ARHGAP18: variants seen among roughly 807,000 people sequenced by gnomAD.
The protein encoded by ARHGAP18 is rho GTPase-activating protein 18.
A neutral mutation model predicts 86.2 loss-of-function variants in ARHGAP18; 67 were observed. The ratio of observed to expected loss-of-function variants is 0.78; its 90% CI spans 0.64 to 0.95. The LOEUF is 0.95. Ranked by LOEUF, ARHGAP18 falls within the 40% of genes least tolerant of loss-of-function variation. ARHGAP18 has a pLI of 0.00. For synonymous variants in ARHGAP18, 283 were observed against 280.4 expected (o/e 1.01, Z -0.09); for missense variants, 691 against 780.4 (o/e 0.89, Z 1.37).
chr6:129,617,797 G>A (rs1391002061), intron 6 of ARHGAP18, among the ~76,000 whole-genome samples: 1 of 152,170 alleles, frequency 6.6e-6, no homozygotes, highest in East Asian at 1.9e-4. Context: ...AGCATGACAG[G>A]ACCAGAAGGG....
At chr6:129,599,393 G>T (rs1388050982) in intron 11 of ARHGAP18, 37 bp from the exon 12 acceptor site, 4 of 1,402,724 alleles carry the variant, frequency 2.9e-6, no homozygotes, top group South Asian at 1.8e-5. Flanking sequence ...AGAGGAAAAA[G>T]AAATGCCACC....
rs542574691 is a variant in ARHGAP18, at chr6:129,606,231, T to C, written c.1283-272A>G. Among the ~76,000 whole-genome samples, 204 of 152,322 alleles carry C rather than the reference T, an allele frequency of 1.3e-3. 4 individuals are homozygous for C. The South Asian group carries it at 0.017, about 13-fold the overall frequency. On this transcript the variant is annotated intron_variant, in intron 9 of 14. Coordinates refer to ENST00000368149, the MANE Select transcript of ARHGAP18 (RefSeq NM_033515.3). ...ATGTTTGCAGACACACAACAGTGCT[T>C]TGGAAATAATTTTAACTTCTGCGTG...
rs568687457 is a variant in ARHGAP18, at chr6:129,686,007, C to T, written c.113+24017G>A. Among the ~76,000 whole-genome samples, 102 of 152,106 alleles carry T rather than the reference C, an allele frequency of 6.7e-4. 2 individuals carry two copies. The highest frequency in any genetic ancestry group is 1.2e-3 in the Non-Finnish European group (83 of 67,990). The stretch of plus-strand genomic sequence containing the variant: ...CAGCCCTTACATTGCCGGGGGCGGG[C>T]GGAGGGGCAGAAAAATCAGAAAAGA... On this transcript the variant is annotated intron_variant, in intron 1 of 14. Coordinates refer to ENST00000368149, the MANE Select transcript of ARHGAP18 (RefSeq NM_033515.3).
At chr6:129,647,321 A>G (rs1464520679) in intron 1 of ARHGAP18, among the ~76,000 whole-genome samples, 1 of 152,046 alleles carries the variant, frequency 6.6e-6, no homozygotes, top group African/African-American at 2.4e-5. Flanking sequence ...TGTAAGTAGG[A>G]TGTTTCTTCT....
intron 4 of ARHGAP18, among the ~76,000 whole-genome samples, chr6:129,631,194 G>A (rs2114489289): frequency 6.6e-6 from 1 of 152,190 alleles, no homozygotes; most frequent in Non-Finnish European, 1.5e-5. Context: ...TCTTAAATTA[G>A]AAGCTACCTT....
chr6:129,677,407 A>T (rs56700167), intron 1 of ARHGAP18, among the ~76,000 whole-genome samples: 36,845 of 150,858 alleles, frequency 0.24, 4,953 homozygotes, highest in Middle Eastern at 0.3. Flanking sequence ...AAAAAAAAAA[A>T]TTGCTTTTGT....
chr6:129,663,177 G>T (rs766814827), intron 1 of ARHGAP18, among the ~76,000 whole-genome samples: 7 of 151,946 alleles, frequency 4.6e-5, no homozygotes, highest in Non-Finnish European at 8.8e-5. Context: ...CCCAGCAAGG[G>T]TAACACAAGC....
At chr6:129,629,227 C>G in intron 5 of ARHGAP18, 126 bp downstream of exon 5, 1 of 840,640 alleles carries the variant, frequency 1.2e-6, no homozygotes, top group Non-Finnish European at 1.6e-6. Flanking sequence ...TTCTCTCTGT[C>G]TGTCTGTCTC....
rs79529503 is a variant in ARHGAP18, at chr6:129,632,808, A to G, written c.616+1234T>C. 5.9e-5 allele frequency among the ~76,000 whole-genome samples: 9 copies of G among 152,318 alleles called. No homozygotes were observed. In the East Asian group the frequency reaches 1.7e-3, roughly 29 times the overall value. On this transcript the variant is annotated intron_variant, in intron 4 of 14. Coordinates refer to ENST00000368149, the MANE Select transcript of ARHGAP18 (RefSeq NM_033515.3). ...GCCAGAGAGAAGTTCTGAGGAAAGT[A>G]TGGAAGGAAAAGATCCCATATGATC...
intron 5 of ARHGAP18, among the ~76,000 whole-genome samples, chr6:129,620,451 T>C (rs1789203883): frequency 6.6e-6 from 1 of 152,258 alleles, no homozygotes; most frequent in African/African-American, 2.4e-5. Flanking sequence ...TGGTGTGTTT[T>C]TCTGCCTTTC....
At position 129,608,475 on chromosome 6, in the gene ARHGAP18, A is replaced by G. The variant is rs578109008; in HGVS notation, c.1123-423T>C. ...AGAAGTATATTACATAAAAAAATAC[A>G]TAATCAGTCTCTGGGACTAAAACAG... On this transcript the variant is annotated intron_variant, in intron 8 of 14. Coordinates refer to ENST00000368149, the MANE Select transcript of ARHGAP18 (RefSeq NM_033515.3). Among the ~76,000 whole-genome samples, 3 of 152,352 alleles carry G rather than the reference A, an allele frequency of 2.0e-5. No individual in the cohort carries two copies. The East Asian group carries it at 5.8e-4, about 29-fold the overall frequency.
At chr6:129,624,957 T>TATA (rs1789311393) in intron 5 of ARHGAP18, among the ~76,000 whole-genome samples, 1 of 118,366 alleles carries the variant, frequency 8.4e-6, no homozygotes, top group Non-Finnish European at 1.8e-5. Flanking sequence ...AAAATATATA[T>TATA]ATATATGATA....
chr6:129,689,298 T>G (rs541552712), intron 1 of ARHGAP18, among the ~76,000 whole-genome samples: 2 of 152,202 alleles, frequency 1.3e-5, no homozygotes, highest in Non-Finnish European at 2.9e-5. Context: ...ATGGTTTTGT[T>G]TTTTGTCTTT....
rs773226477 is a variant in ARHGAP18, at chr6:129,599,283, T to C, written c.1646A>G (p.Lys549Arg). 3.8e-6 allele frequency: 6 copies of C among 1,598,192 alleles called. No homozygotes were observed. The highest frequency in any genetic ancestry group is 4.3e-6 in the Non-Finnish European group (5 of 1,174,238). The change falls in exon 12 of 15, where the codon AAG (lysine) becomes AGG (arginine). Residue 549 changes from lysine to arginine, a missense_variant. Lys to Arg is a conservative substitution (Grantham distance 26). Coordinates refer to ENST00000368149, the MANE Select transcript of ARHGAP18 (RefSeq NM_033515.3). ...ATAAGCCATTTTCTTCAGCAATTTC[T>C]TCATGGCTCTTTTATCCTTTTTATG... is the stretch of plus-strand genomic sequence containing the variant. ...ENHKKDKRAM[K>R]KLLKKMAYDR...
intron 7 of ARHGAP18, among the ~76,000 whole-genome samples, chr6:129,613,305 T>C (rs1263255855): frequency 2.0e-5 from 3 of 151,750 alleles, no homozygotes; most frequent in Non-Finnish European, 4.4e-5. Context: ...CAAGTAACAC[T>C]GGATAAAATC....
chr6:129,584,747 G>A (rs1056533982), intron 12 of ARHGAP18, among the ~76,000 whole-genome samples: 1 of 152,142 alleles, frequency 6.6e-6, no homozygotes, highest in African/African-American at 2.4e-5. Context: ...GTCAGCTATA[G>A]CGTTAGAAAT....
intron 12 of ARHGAP18, among the ~76,000 whole-genome samples, chr6:129,584,380 T>A (rs1788350225): frequency 6.6e-6 from 1 of 152,224 alleles, no homozygotes; most frequent in South Asian, 2.1e-4. Context: ...TACTGCCATA[T>A]TAAGTGCTGA....
At chr6:129,598,342 A>AT (rs1788662315) in intron 12 of ARHGAP18, among the ~76,000 whole-genome samples, 1 of 152,190 alleles carries the variant, frequency 6.6e-6, no homozygotes, top group Non-Finnish European at 1.5e-5. Context: ...TAAGAGAAAA[A>AT]CTTCGTTTTT....
chr6:129,702,797 C>T (rs778010453), intron 1 of ARHGAP18, among the ~76,000 whole-genome samples: 2 of 152,008 alleles, frequency 1.3e-5, no homozygotes, highest in Admixed American at 6.6e-5. Context: ...GTCAGGAGTT[C>T]GAGACCAGCC....
Sources: allele counts gnomAD v4.1 joint callset (sites outside exome capture counted in the v4.1 genomes callset), GRCh38; gene constraint gnomAD v4.1.1; transcripts MANE v1.5; gene names NCBI Gene and HGNC (gene_info 2026-07-23, HGNC 2026-07-21).